The following SLC14A2 variants were observed in gnomAD, a reference collection of about 807,000 sequenced individuals.
SLC14A2 encodes solute carrier family 14 member 2.
Under a neutral mutation model 104.6 loss-of-function variants are expected in SLC14A2, and 91 were observed. The observed-to-expected ratio is 0.87, with a 90% CI of 0.73 to 1.04. The LOEUF (loss-of-function observed/expected upper bound fraction) is 1.04. Ranked by LOEUF, SLC14A2 falls within the 50% of genes least tolerant of loss-of-function variation. The pLI is 0.00. For missense variants in SLC14A2, 1,189 were observed against 1,156.0 expected (o/e 1.03, Z -0.41); for synonymous variants, 476 against 466.4 (o/e 1.02, Z -0.27).
chr18:45,483,101 A>ACTT (rs1568232646), intron 1 of SLC14A2: 1 of 151,916 alleles, frequency 6.6e-6, no homozygotes, highest in Non-Finnish European at 1.5e-5. Flanking sequence ...CTGTTTCCTT[A>ACTT]TTTTTTTCTT....
intron 2 of SLC14A2, among the ~76,000 whole-genome samples, chr18:45,596,304 C>T (rs1288824544): frequency 6.6e-6 from 1 of 152,228 alleles, no homozygotes; most frequent in Non-Finnish European, 1.5e-5. Flanking sequence ...ACCCCCAGGA[C>T]TCCTGAGCTT....
intron 1 of SLC14A2, among the ~76,000 whole-genome samples, chr18:45,251,047 T>C (rs2084418079): frequency 1.3e-5 from 2 of 152,206 alleles, no homozygotes; most frequent in African/African-American, 2.4e-5. Flanking sequence ...TTTATTTCCA[T>C]AGGTTTTGGG....
intron 1 of SLC14A2, among the ~76,000 whole-genome samples, chr18:45,375,036 A>C (rs185003550): frequency 6.6e-6 from 1 of 152,350 alleles, no homozygotes; most frequent in East Asian, 1.9e-4. Flanking sequence ...TATGACTGAG[A>C]GACAATGAAA....
At chr18:45,243,130 G>T (rs1228145642) in intron 1 of SLC14A2, among the ~76,000 whole-genome samples, 1 of 152,224 alleles carries the variant, frequency 6.6e-6, no homozygotes, top group Non-Finnish European at 1.5e-5. Context: ...TTAATATTCA[G>T]TTGTAGTAAT....
chr18:45,313,619 C>A (rs2085100313), intron 1 of SLC14A2, among the ~76,000 whole-genome samples: 1 of 152,184 alleles, frequency 6.6e-6, no homozygotes, highest in African/African-American at 2.4e-5. Context: ...TAATATTTCA[C>A]AAGCTACAGT....
intron 2 of SLC14A2, among the ~76,000 whole-genome samples, chr18:45,532,908 G>A (rs1196412056): frequency 6.6e-6 from 1 of 152,036 alleles, no homozygotes; most frequent in Non-Finnish European, 1.5e-5. Context: ...TTAGCATGAA[G>A]GGTTGTTGAA....
chr18:45,267,094 T>C (rs188911573), intron 1 of SLC14A2, among the ~76,000 whole-genome samples: 9 of 152,264 alleles, frequency 5.9e-5, no homozygotes, highest in Non-Finnish European at 1.0e-4. Flanking sequence ...TTTAGGAACA[T>C]TTAGTGTTCA....
At chr18:45,179,239 T>C in the SLC14A2 span, among the ~76,000 whole-genome samples, 3 of 152,252 alleles carry the variant, frequency 2.0e-5, no homozygotes, top group Non-Finnish European at 4.4e-5. Context: ...AAACAATCTA[T>C]TTGCATCTAT....
chr18:45,627,046 C>G lies in SLC14A2; in HGVS notation c.420C>G (p.Ile140Met). 6.2e-7 allele frequency: 1 copy of G among 1,613,678 alleles called. No individual in the cohort carries two copies. Among genetic ancestry groups the G allele is most frequent in the Non-Finnish European group, 8.5e-7 (1 of 1,179,966 alleles). The change falls in exon 4 of 20, where the codon ATC becomes ATG. Residue 140 changes from isoleucine (I) to methionine (M), a missense_variant. Physicochemically the swap from Ile to Met is conservative, Grantham distance 10. Coordinates refer to ENST00000255226, the MANE Select transcript of SLC14A2 (RefSeq NM_007163.4). ...MFINNPLSGL[I>M]IFIGLLIQNP... ...TCAACAATCCTCTCAGCGGCCTCAT[C>G]ATCTTCATAGGGCTGCTGATCCAGA... is the stretch of plus-strand genomic sequence containing the variant.
intron 1 of SLC14A2, among the ~76,000 whole-genome samples, chr18:45,272,075 C>T (rs1369295592): frequency 2.0e-5 from 3 of 151,750 alleles, no homozygotes; most frequent in African/African-American, 4.8e-5. Flanking sequence ...ATAAGTGGTG[C>T]TGGGAAAACT....
At chr18:45,615,142 T>C (rs2045041216), upstream of SLC14A2, 1 of 152,234 alleles carries the variant, frequency 6.6e-6, no homozygotes, top group Non-Finnish European at 1.5e-5. Flanking sequence ...GGACTTGCCT[T>C]GCCTCAGATG....
At chr18:45,233,437 G>T (rs2084194332) in intron 1 of SLC14A2, among the ~76,000 whole-genome samples, 1 of 152,090 alleles carries the variant, frequency 6.6e-6, no homozygotes, top group East Asian at 1.9e-4. Context: ...CTTGATATGG[G>T]TGAAAGTGTA....
chr18:45,351,083 T>A (rs1212006632), intron 1 of SLC14A2, among the ~76,000 whole-genome samples: 1 of 152,194 alleles, frequency 6.6e-6, no homozygotes, highest in Non-Finnish European at 1.5e-5. Context: ...TGTGTGTAAT[T>A]GTCTTTGTCT....
At chr18:45,242,732 C>G (rs949086188) in intron 1 of SLC14A2, among the ~76,000 whole-genome samples, 2 of 152,166 alleles carry the variant, frequency 1.3e-5, no homozygotes, top group Admixed American at 1.3e-4. Context: ...TCTCTATTAG[C>G]CTAAACCTGC....
intron 2 of SLC14A2, among the ~76,000 whole-genome samples, chr18:45,543,327 A>G (rs190499473): frequency 1.4e-4 from 22 of 152,056 alleles, no homozygotes; most frequent in Admixed American, 3.9e-4. Flanking sequence ...GTTTTAAGGG[A>G]AAAAAAATAC....
intron 2 of SLC14A2, among the ~76,000 whole-genome samples, chr18:45,533,715 C>T (rs577299004): frequency 6.6e-6 from 1 of 152,028 alleles, no homozygotes; most frequent in Non-Finnish European, 1.5e-5. Flanking sequence ...CTGCTCTGAT[C>T]TTAGTTATTT....
intron 1 of SLC14A2, among the ~76,000 whole-genome samples, chr18:45,437,610 G>T (rs974637992): frequency 7.9e-5 from 12 of 152,184 alleles, no homozygotes; most frequent in African/African-American, 2.9e-4. Context: ...TTAAGTGGTG[G>T]CCATGCAAGA....
Position 45,682,903 on chromosome 18 carries a change from G to A in SLC14A2, c.*384G>A, listed in dbSNP as rs1452680383. Reference sequence around the variant, plus strand: ...AGGTCAGGAGATCGAGACCATCCTGGCGAACATGGTGAGACCCCATCTCTA... The same window carrying A: ...AGGTCAGGAGATCGAGACCATCCTGACGAACATGGTGAGACCCCATCTCTA... On this transcript the variant is annotated 3_prime_UTR_variant, in exon 20 of 20. Transcript: ENST00000255226. The A allele has an allele frequency of 1.8e-5, 4 of 221,738 alleles. No homozygotes were observed. Among genetic ancestry groups the A allele is most frequent in the African/African-American group, 6.7e-5 (3 of 44,520 alleles). 13.7% of individuals were successfully genotyped at this position (221,738 alleles called of 1,614,324 possible). A position where few individuals can be genotyped will look rare whatever the true frequency, so the allele number is the denominator to read the frequency against.
chr18:45,514,112 A>G (rs987804940), intron 2 of SLC14A2, among the ~76,000 whole-genome samples: 1 of 152,214 alleles, frequency 6.6e-6, no homozygotes, highest in Non-Finnish European at 1.5e-5. Flanking sequence ...TGGAAGTTGT[A>G]TTAGGCCATT....
Sources: gnomAD v4.1 joint callset for allele counts (sites outside exome capture counted in the v4.1 genomes callset) on GRCh38, gnomAD v4.1.1 for gene constraint, MANE v1.5 for transcripts, NCBI Gene and HGNC (gene_info 2026-07-23, HGNC 2026-07-21) for gene names.